Variants in AATF observed in about 807,000 individuals in gnomAD.
AATF encodes protein AATF.
A neutral mutation model predicts 63.7 loss-of-function variants in AATF; 48 were observed. That is an observed-to-expected ratio of 0.75 (90% CI 0.60 to 0.96). The LOEUF (loss-of-function observed/expected upper bound fraction) is 0.96, where lower values mean the gene tolerates loss of function less well. AATF is among the 40% of genes least tolerant of loss of function. The pLI is 0.00. For missense variants in AATF, 639 were observed against 685.7 expected (o/e 0.93, Z 0.76); for synonymous variants, 258 against 247.7 (o/e 1.04, Z -0.39).
intron 11 of AATF, among the ~76,000 whole-genome samples, chr17:37,036,596 T>A (rs1484300739): frequency 6.6e-6 from 1 of 152,018 alleles, no homozygotes; most frequent in Non-Finnish European, 1.5e-5. Context: ...TCAAGCGATC[T>A]ATTTTTTTAA....
rs575079830 is a variant in AATF, at chr17:37,016,363, G to A, written c.1399-2642G>A. 2.0e-5 allele frequency among the ~76,000 whole-genome samples: 3 copies of A among 152,236 alleles called. No individual in the cohort carries two copies. In the South Asian group the frequency reaches 6.2e-4, roughly 32 times the overall value. Reference sequence around the variant, plus strand: ...GATTAGATGCTTAATAGTACTATTAGTCCTGTTCCTCATGTATATTGGTAT... The same window carrying A: ...GATTAGATGCTTAATAGTACTATTAATCCTGTTCCTCATGTATATTGGTAT... On this transcript the variant is annotated intron_variant, in intron 8 of 11. Coordinates refer to ENST00000619387, the MANE Select transcript of AATF (RefSeq NM_012138.4).
intron 8 of AATF, among the ~76,000 whole-genome samples, chr17:36,991,429 T>C (rs923056662): frequency 1.3e-5 from 2 of 152,280 alleles, no homozygotes; most frequent in Admixed American, 1.3e-4. Flanking sequence ...GTTCTCAATA[T>C]GTTTTCAGAC....
chr17:37,030,007 ATG>A (rs1207831849), intron 10 of AATF, among the ~76,000 whole-genome samples: 12 of 151,410 alleles, frequency 7.9e-5, no homozygotes, highest in Non-Finnish European at 1.8e-4. Flanking sequence ...GGCCAACTGT[ATG>A]TGTTTTCTGT....
At chr17:37,015,901 A>G (rs2071425360) in intron 8 of AATF, among the ~76,000 whole-genome samples, 1 of 152,124 alleles carries the variant, frequency 6.6e-6, no homozygotes, top group South Asian at 2.1e-4. Flanking sequence ...TCTGTGGTTC[A>G]ATATTTCCAA....
chr17:37,018,456 C>CTTAA (rs2071444471), intron 8 of AATF, among the ~76,000 whole-genome samples: 1 of 152,178 alleles, frequency 6.6e-6, no homozygotes, highest in Non-Finnish European at 1.5e-5. Flanking sequence ...GGCTAAAGCA[C>CTTAA]TTAATAGCAA....
intron 8 of AATF, among the ~76,000 whole-genome samples, chr17:37,008,179 G>A (rs2071356459): frequency 6.6e-6 from 1 of 152,170 alleles, no homozygotes; most frequent in Non-Finnish European, 1.5e-5. Flanking sequence ...GGGGTTTAGG[G>A]ACTATCTATG....
chr17:36,961,998 G>A (rs1597701134), intron 4 of AATF, among the ~76,000 whole-genome samples: 1 of 152,068 alleles, frequency 6.6e-6, no homozygotes, highest in East Asian at 1.9e-4. Context: ...TTTTAAAAAG[G>A]CTTTTGGAAT....
At chr17:37,048,705 T>A (rs2071718302) in intron 11 of AATF, among the ~76,000 whole-genome samples, 1 of 152,136 alleles carries the variant, frequency 6.6e-6, no homozygotes, top group South Asian at 2.1e-4. Context: ...GTCACCTGTG[T>A]CTGAGCCCAT....
chr17:36,977,101 C>A (rs1425556304), intron 4 of AATF, among the ~76,000 whole-genome samples: 2 of 152,154 alleles, frequency 1.3e-5, no homozygotes, highest in African/African-American at 2.4e-5. Context: ...ATGTAGTCTA[C>A]ATTTTGTTTG....
rs997003095 is a variant in AATF, at chr17:36,960,053, G to A, written c.832+6146G>A. Among the ~76,000 whole-genome samples the A allele has an allele frequency of 2.2e-4, 33 of 150,314 alleles. 1 individual carries two copies. Among genetic ancestry groups the A allele is most frequent in the Non-Finnish European group, 4.7e-4 (32 of 67,708 alleles). ...CCCCGAGATGGAGTCTTGCTCTGTC[G>A]CCGAGGCTGGAGTGCAGTGGTGCGA... On this transcript the variant is annotated intron_variant, in intron 4 of 11. Transcript: ENST00000619387.
intron 1 of AATF, 78 bp downstream of exon 1, chr17:36,949,294 C>T: frequency 1.4e-6 from 2 of 1,385,556 alleles, no homozygotes; most frequent in Non-Finnish European, 1.9e-6. Context: ...GTGGGAGGGG[C>T]GTGCGCGAGG....
At chr17:36,994,875 G>A (rs773066786) in intron 8 of AATF, among the ~76,000 whole-genome samples, 3 of 152,174 alleles carry the variant, frequency 2.0e-5, no homozygotes, top group Non-Finnish European at 4.4e-5. Flanking sequence ...GCCAGTCCCT[G>A]GACTAAGTAG....
chr17:36,972,129 A>G lies in AATF; in HGVS notation c.833-14488A>G, dbSNP rs529622437. Among the ~76,000 whole-genome samples the G allele has an allele frequency of 7.9e-5, 12 of 152,248 alleles. No individual in the cohort carries two copies. The South Asian group carries it at 1.5e-3, about 18-fold the overall frequency. On this transcript the variant is annotated intron_variant, in intron 4 of 11. Transcript: ENST00000619387. ...CTGGGAATATTTCTTATGGTAATGG[A>G]TACATGATACAGTACTTCTAGGGAT...
chr17:37,052,076 G>C (rs1403724034), intron 11 of AATF, among the ~76,000 whole-genome samples: 1 of 152,188 alleles, frequency 6.6e-6, no homozygotes, highest in African/African-American at 2.4e-5. Flanking sequence ...TGAACGCATT[G>C]TCTACAGTGG....
chr17:36,994,926 T>A (rs1445541685), intron 8 of AATF, among the ~76,000 whole-genome samples: 1 of 152,204 alleles, frequency 6.6e-6, no homozygotes, highest in Non-Finnish European at 1.5e-5. Flanking sequence ...CCTCACAAGA[T>A]CCTCGTATTG....
intron 4 of AATF, among the ~76,000 whole-genome samples, chr17:36,957,743 T>C (rs2070913755): frequency 6.6e-6 from 1 of 152,204 alleles, no homozygotes; most frequent in Non-Finnish European, 1.5e-5. Flanking sequence ...TTTCATTCCG[T>C]TTAGAATCCT....
Position 36,949,144 on chromosome 17 carries a change from CT to C in AATF, c.20del (p.Leu7ArgfsTer9). ...GGTGACGATGGCGGGGCCGCAGCCC[CT>C]GGCGCTGCAACTGGAACAGTTGTTG... Reference protein sequence around the residue: MAGPQPLALQLEQLLNP... With the variant: MAGPQPXALQLEQLLNP... On this transcript the variant is annotated frameshift_variant, in exon 1 of 12. Coordinates refer to ENST00000619387, the MANE Select transcript of AATF (RefSeq NM_012138.4). LOFTEE classifies it high-confidence loss of function. The C allele has an allele frequency of 6.3e-7, 1 of 1,584,174 alleles. No homozygotes were observed.
intron 8 of AATF, among the ~76,000 whole-genome samples, chr17:37,018,143 G>A (rs1301824238): frequency 2.0e-5 from 3 of 152,078 alleles, no homozygotes; most frequent in Admixed American, 6.5e-5. Flanking sequence ...TTCTATTATC[G>A]TAATTCAGGG....
chr17:36,982,514 C>T (rs2071134718), intron 4 of AATF, among the ~76,000 whole-genome samples: 1 of 152,054 alleles, frequency 6.6e-6, no homozygotes, highest in African/African-American at 2.4e-5. Flanking sequence ...CCACCACGCC[C>T]AGCTAATTTT....
Sources: allele counts gnomAD v4.1 joint callset (sites outside exome capture counted in the v4.1 genomes callset), GRCh38; gene constraint gnomAD v4.1.1; transcripts MANE v1.5; gene names NCBI Gene and HGNC (gene_info 2026-07-23, HGNC 2026-07-21).